LPP: variants seen among roughly 807,000 people sequenced by gnomAD.
LPP encodes LIM domain containing preferred translocation partner in lipoma.
A neutral mutation model predicts 60.4 loss-of-function variants in LPP; 38 were observed. That is an observed-to-expected ratio of 0.63 (90% CI 0.49 to 0.83). LPP has a LOEUF of 0.83. Ranked by LOEUF, LPP falls within the 40% of genes least tolerant of loss-of-function variation. The pLI is 0.00. For synonymous variants in LPP, 328 were observed against 290.8 expected, an observed-to-expected ratio of 1.13 and a Z score of -1.30; for missense variants, 902 against 783.6, an observed-to-expected ratio of 1.15 and a Z score of -1.80.
At chr3:188,651,867 A>C (rs1315392509) in intron 7 of LPP, among the ~76,000 whole-genome samples, 1 of 152,180 alleles carries the variant, frequency 6.6e-6, no homozygotes, top group Non-Finnish European at 1.5e-5. Context: ...TTATAATGGC[A>C]CCACAGTTTC....
chr3:188,826,696 A>G (rs1755619748), intron 9 of LPP, among the ~76,000 whole-genome samples: 1 of 151,956 alleles, frequency 6.6e-6, no homozygotes. Flanking sequence ...CCTGTTCTTT[A>G]AGACTCAACT....
intron 1 of LPP, among the ~76,000 whole-genome samples, chr3:188,171,311 T>G (rs1721520859): frequency 6.6e-6 from 1 of 152,216 alleles, no homozygotes; most frequent in Non-Finnish European, 1.5e-5. Context: ...TCCATGAATA[T>G]TGGTTCTCTT....
chr3:188,272,227 G>A (rs1479775892), intron 2 of LPP, among the ~76,000 whole-genome samples: 1 of 152,142 alleles, frequency 6.6e-6, no homozygotes, highest in Non-Finnish European at 1.5e-5. Flanking sequence ...GACCTTGAAG[G>A]CCTCTTCTAG....
chr3:188,726,506 T>G (rs1718441652), intron 8 of LPP, among the ~76,000 whole-genome samples: 1 of 152,096 alleles, frequency 6.6e-6, no homozygotes, highest in Non-Finnish European at 1.5e-5. Flanking sequence ...GGGCTTACAT[T>G]CCAGTGAGAA....
At chr3:188,717,745 A>G (rs574984462) in intron 8 of LPP, among the ~76,000 whole-genome samples, 1 of 152,328 alleles carries the variant, frequency 6.6e-6, no homozygotes, top group African/African-American at 2.4e-5. Flanking sequence ...CACTAAATAA[A>G]TAATAATTCT....
chr3:188,778,584 G>A (rs569504681), intron 9 of LPP, among the ~76,000 whole-genome samples: 58 of 152,140 alleles, frequency 3.8e-4, no homozygotes, highest in African/African-American at 1.2e-3. Flanking sequence ...GTTCAGTCTT[G>A]CAGCATTTCC....
chr3:188,871,890 C>A (rs892210264), intron 10 of LPP, among the ~76,000 whole-genome samples: 1 of 152,058 alleles, frequency 6.6e-6, no homozygotes, highest in African/African-American at 2.4e-5. Context: ...TACCAGCAGC[C>A]TCAAAAACAT....
At chr3:188,319,344 T>C (rs1244263179) in intron 2 of LPP, among the ~76,000 whole-genome samples, 2 of 152,230 alleles carry the variant, frequency 1.3e-5, no homozygotes, top group Non-Finnish European at 2.9e-5. Flanking sequence ...AGCAAAAATG[T>C]GGATTTTTCA....
chr3:188,348,700 A>G (rs919172337), intron 3 of LPP, among the ~76,000 whole-genome samples: 9 of 152,220 alleles, frequency 5.9e-5, no homozygotes, highest in Admixed American at 1.3e-4. Context: ...CATACTCTAG[A>G]ACTTCTGAAT....
chr3:188,744,841 A>G (rs1725619346), intron 8 of LPP, among the ~76,000 whole-genome samples: 1 of 152,084 alleles, frequency 6.6e-6, no homozygotes, highest in East Asian at 1.9e-4. Flanking sequence ...AGTCTCACAT[A>G]GGAAATCCTT....
intron 4 of LPP, among the ~76,000 whole-genome samples, chr3:188,417,815 A>G (rs1578742717): frequency 2.0e-5 from 3 of 152,330 alleles, no homozygotes; most frequent in African/African-American, 2.4e-5. Context: ...GCAAAAGGCA[A>G]TTCTCTTTAA....
chr3:188,757,889 G>GTTT (rs750488243), intron 8 of LPP, among the ~76,000 whole-genome samples: 1,494 of 78,546 alleles, frequency 0.019, 42 homozygotes, highest in Middle Eastern at 0.036. Context: ...TGTTTTTTTG[G>GTTT]TTTTTTTTTT....
intron 2 of LPP, among the ~76,000 whole-genome samples, chr3:188,294,922 G>A (rs73061522): frequency 0.085 from 12,973 of 152,186 alleles, 669 homozygotes; most frequent in African/African-American, 0.14. Context: ...GTAGCTGATG[G>A]GTTTAGAGAA....
intron 2 of LPP, among the ~76,000 whole-genome samples, chr3:188,317,433 T>C (rs1401637822): frequency 6.6e-6 from 1 of 152,132 alleles, no homozygotes; most frequent in Non-Finnish European, 1.5e-5. Context: ...AAATTTTCGT[T>C]ATGGCCTTGG....
chr3:188,781,473 G>C (rs1437962867), intron 9 of LPP, among the ~76,000 whole-genome samples: 1 of 152,136 alleles, frequency 6.6e-6, no homozygotes, highest in East Asian at 1.9e-4. Flanking sequence ...TTGGCTCACA[G>C]TTCCACACGG....
At chr3:188,420,544 G>A (rs9880787) in intron 4 of LPP, among the ~76,000 whole-genome samples, 111,188 of 152,034 alleles carry the variant, frequency 0.73, 42,233 homozygotes, top group Non-Finnish European at 0.84. Flanking sequence ...GGTTCCATTC[G>A]TTTTTGAGAT....
At chr3:188,684,038 G>A (rs78443743) in intron 7 of LPP, among the ~76,000 whole-genome samples, 1,977 of 152,236 alleles carry the variant, frequency 0.013, 14 homozygotes, top group Non-Finnish European at 0.021. Context: ...TTTCATATTC[G>A]AACTCTTTGT....
intron 7 of LPP, among the ~76,000 whole-genome samples, chr3:188,624,814 CTCTT>C (rs1846514497): frequency 2.7e-5 from 4 of 147,082 alleles, no homozygotes; most frequent in Non-Finnish European, 4.5e-5. Context: ...TTCCTTCTCT[CTCTT>C]TCTCTCTTCT....
intron 9 of LPP, among the ~76,000 whole-genome samples, chr3:188,815,629 G>T (rs183303063): frequency 2.0e-5 from 3 of 152,146 alleles, no homozygotes; most frequent in Non-Finnish European, 1.5e-5. Context: ...AAAAAAAAAT[G>T]TTTTCCTGCT....
Sources: allele counts gnomAD v4.1 joint callset (sites outside exome capture counted in the v4.1 genomes callset), GRCh38; gene constraint gnomAD v4.1.1; transcripts MANE v1.5; gene names NCBI Gene and HGNC (gene_info 2026-07-23, HGNC 2026-07-21).